Variants in TLE2 observed in about 807,000 individuals in gnomAD.
The protein encoded by TLE2 is transducin-like enhancer protein 2.
TLE2 carries 74 observed loss-of-function variants against 97.2 expected under a neutral mutation model. That is an observed-to-expected ratio of 0.76 (90% confidence interval 0.63 to 0.92). The LOEUF is 0.92. Among genes scored for constraint, TLE2 ranks in the 40% least tolerant of loss-of-function variants. The pLI, the probability that TLE2 is intolerant of heterozygous loss-of-function variation, is 0.00. For missense variants in TLE2, 1,038 were observed against 1,008.7 expected (o/e 1.03, Z -0.39); for synonymous variants, 499 against 432.1 (o/e 1.15, Z -1.92).
In TLE2 at chr19:3,019,133, A is replaced by C. The variant is rs1440140035; in HGVS notation, c.550+150T>G. ...GGCTGGTCATGAACTCCTGGGCTCAAGCGATCCTCCCGCCTCGGCCTCCCA... is the reference window on the plus strand; with the variant it reads ...GGCTGGTCATGAACTCCTGGGCTCACGCGATCCTCCCGCCTCGGCCTCCCA... On this transcript the variant is annotated intron_variant, in intron 7 of 19. Coordinates refer to ENST00000262953, the MANE Select transcript of TLE2 (RefSeq NM_003260.5). The surrounding 1 kb of genome is among the most constrained non-coding windows in gnomAD (Gnocchi z 5.1). The C allele has an allele frequency of 8.4e-7, 1 of 1,195,394 alleles. No homozygotes were observed. Among genetic ancestry groups the C allele is most frequent in the African/African-American group, 1.5e-5 (1 of 65,878 alleles). The allele number at this position is 1,195,394 out of a possible 1,614,324, so 74.0% of individuals were successfully genotyped here.
chr19:3,019,410 G>A lies in TLE2; in HGVS notation c.423C>T (p.Arg141=). 6.5e-7 allele frequency: 1 copy of A among 1,539,048 alleles called. No homozygotes were observed. Among genetic ancestry groups the A allele is most frequent in the Non-Finnish European group, 8.7e-7 (1 of 1,147,940 alleles). ...CACTGCCGCCCACCAGCCCGGCTGG[G>A]CGGGGGGTGAGGGGCACAGGGGGTG... ...HHAPPVPLTP[R]PAGLVGGSAT... Residue 141 remains arginine, a synonymous_variant, in exon 7 of 20, where the codon CGC becomes CGT. Coordinates refer to ENST00000262953, the MANE Select transcript of TLE2 (RefSeq NM_003260.5). The surrounding 1 kb of genome is among the most constrained non-coding windows in gnomAD (Gnocchi z 5.1).
chr19:3,013,320 A>C (rs1386075977), intron 11 of TLE2, among the ~76,000 whole-genome samples: 1 of 152,042 alleles, frequency 6.6e-6, no homozygotes, highest in African/African-American at 2.4e-5. Context: ...GAAGGGCTCA[A>C]CACATGCAGG....
chr19:3,009,799 C>T lies in TLE2; in HGVS notation c.1013-97G>A. On this transcript the variant is annotated intron_variant, in intron 12 of 19. Transcript: ENST00000262953. ...TCCCTGGCCTTTCATTTAGAGTTTC[C>T]ATGTGCTGGTTCCACATTGGCCATA... 5 of 1,454,754 alleles carry T rather than the reference C, an allele frequency of 3.4e-6. No individual in the cohort carries two copies. In the South Asian group the frequency reaches 4.0e-5, roughly 12 times the overall value. The allele number at this position is 1,454,754 out of a possible 1,614,324, so 90.1% of individuals were successfully genotyped here.
intron 3 of TLE2, 106 bp downstream of exon 3, chr19:3,028,213 C>G: frequency 8.4e-7 from 1 of 1,191,818 alleles, no homozygotes; most frequent in Non-Finnish European, 1.2e-6. Context: ...AATGTACAGA[C>G]GGGGAAGACG....
At chr19:3,030,071 G>C (rs1599249440), upstream of TLE2, among the ~76,000 whole-genome samples, 1 of 152,250 alleles carries the variant, frequency 6.6e-6, no homozygotes, top group East Asian at 1.9e-4. Flanking sequence ...CCAAAGTGCT[G>C]GGATTACGGG....
chr19:3,038,520 T>A (rs542845054), intron 1 of TLE2, among the ~76,000 whole-genome samples: 1 of 152,376 alleles, frequency 6.6e-6, no homozygotes, highest in African/African-American at 2.4e-5. Flanking sequence ...GCCCCCACTA[T>A]GTCCTAAAGG....
chr19:3,009,171 A>G (rs1470418609), intron 13 of TLE2, among the ~76,000 whole-genome samples: 1 of 152,100 alleles, frequency 6.6e-6, no homozygotes, highest in African/African-American at 2.4e-5. Flanking sequence ...CACGGTTCCA[A>G]GGATCCTGAA....
intron 1 of TLE2, among the ~76,000 whole-genome samples, chr19:3,043,340 C>T (rs111257087): frequency 0.14 from 20,349 of 149,540 alleles, 1,822 homozygotes; most frequent in Middle Eastern, 0.21. Flanking sequence ...AGGCGTGAGC[C>T]ATGGCACCCG....
At chr19:3,017,698 T>C (rs1019572960) in intron 8 of TLE2, 142 bp downstream of exon 8, 2 of 667,238 alleles carry the variant, frequency 3.0e-6, no homozygotes, top group Non-Finnish European at 4.9e-6. Flanking sequence ...ATGATTCTCC[T>C]ACCTCTGCCT....
chr19:3,007,092 T>C (rs923829123), intron 14 of TLE2, among the ~76,000 whole-genome samples: 2 of 138,456 alleles, frequency 1.4e-5, no homozygotes, highest in African/African-American at 5.6e-5. Flanking sequence ...GCCTGATGCG[T>C]TTGTTTCTTT....
chr19:3,046,301 G>C (rs938042530), upstream of TLE2, among the ~76,000 whole-genome samples: 1 of 152,250 alleles, frequency 6.6e-6, no homozygotes, highest in Non-Finnish European at 1.5e-5. Context: ...AGGGCACACA[G>C]AGGGACGGAG....
At chr19:3,000,551 A>T (rs1164522575) in intron 19 of TLE2, 96 bp downstream of exon 19, 1 of 1,107,176 alleles carries the variant, frequency 9.0e-7, no homozygotes, top group East Asian at 2.6e-5. Flanking sequence ...TGGCGGGGGG[A>T]CCTGGGGGAC....
At chr19:3,014,266 C>T (rs1449365824) in intron 10 of TLE2, among the ~76,000 whole-genome samples, 1 of 152,046 alleles carries the variant, frequency 6.6e-6, no homozygotes, top group Non-Finnish European at 1.5e-5. Context: ...GCACCCATAG[C>T]GAGGACTATA....
intron 19 of TLE2, 58 bp from the exon 20 acceptor site, chr19:2,998,013 T>G: frequency 1.5e-6 from 2 of 1,305,360 alleles, no homozygotes; most frequent in South Asian, 1.2e-5. Context: ...CACAGATGGG[T>G]GTGTGGGCAA....
At chr19:3,028,026 A>T (rs2089974727) in intron 3 of TLE2, among the ~76,000 whole-genome samples, 153 bp from the exon 4 acceptor site, 1 of 151,940 alleles carries the variant, frequency 6.6e-6, no homozygotes, top group Admixed American at 6.6e-5. Context: ...CCAGAGGAGG[A>T]AGCGGGGGCT....
chr19:3,015,041 T>TA (rs1209669873), intron 9 of TLE2, among the ~76,000 whole-genome samples: 1 of 65,112 alleles, frequency 1.5e-5, no homozygotes, highest in Non-Finnish European at 3.0e-5. Flanking sequence ...AATAAATAAA[T>TA]AAATAAAATT....
intron 8 of TLE2, 176 bp from the exon 9 acceptor site, chr19:3,015,936 CTT>C (rs1568240616): frequency 1.4e-6 from 1 of 692,588 alleles, no homozygotes; most frequent in African/African-American, 1.8e-5. Context: ...TTTGTTCTCT[CTT>C]CTGTTTTGTT....
intron 1 of TLE2, among the ~76,000 whole-genome samples, chr19:3,040,299 C>G (rs1450533129): frequency 6.6e-6 from 1 of 152,148 alleles, no homozygotes; most frequent in Non-Finnish European, 1.5e-5. Context: ...GGGGGTTGAA[C>G]AAACCCCTGG....
At position 3,019,163 on chromosome 19, in the gene TLE2, G is replaced by A. The variant is rs184380347; in HGVS notation, c.550+120C>T. ...TCCTCCCGCCTCGGCCTCCCAAATT[G>A]TTGGGATTATAGGCATGAGCCACTT... On this transcript the variant is annotated intron_variant, in intron 7 of 19. Transcript: ENST00000262953. This position sits in a 1 kb window ranked among gnomAD's most constrained non-coding sequence, Gnocchi z 5.1. 8.3e-5 allele frequency: 116 copies of A among 1,389,644 alleles called. No individual in the cohort carries two copies. The African/African-American group carries it at 1.5e-3, about 18-fold the overall frequency. The allele number at this position is 1,389,644 out of a possible 1,614,324, so 86.1% of individuals were successfully genotyped here. A position where few individuals can be genotyped will look rare whatever the true frequency, so the allele number is the denominator to read the frequency against.
Sources: gnomAD v4.1 joint callset for allele counts (sites outside exome capture counted in the v4.1 genomes callset) on GRCh38, gnomAD v4.1.1 for gene constraint, Gnocchi (gnomAD v3.1) non-coding constraint, MANE v1.5 for transcripts, NCBI Gene and HGNC (gene_info 2026-07-23, HGNC 2026-07-21) for gene names.